The following EYS variants were observed in gnomAD, a reference collection of about 807,000 sequenced individuals.
The protein encoded by EYS is EGF-like photoreceptor maintenance factor.
EYS carries 250 observed loss-of-function variants against 282.1 expected under a neutral mutation model. That is an observed-to-expected ratio of 0.89 (90% confidence interval 0.80 to 0.98). EYS has a LOEUF of 0.98. Among genes scored for constraint, EYS ranks in the 50% least tolerant of loss-of-function variants. The pLI is 0.00. For synonymous variants in EYS, 1,355 were observed against 1,282.9 expected (o/e 1.06, Z -1.20); for missense variants, 4,016 against 3,709.0 (o/e 1.08, Z -2.15).
chr6:64,079,828 T>G (rs1771901675), intron 32 of EYS, among the ~76,000 whole-genome samples: 1 of 152,178 alleles, frequency 6.6e-6, no homozygotes, highest in Non-Finnish European at 1.5e-5. Context: ...GTTTGGTTTT[T>G]TGTCCTTGCC....
At chr6:64,579,092 T>A (rs981866777) in intron 26 of EYS, among the ~76,000 whole-genome samples, 12 of 152,076 alleles carry the variant, frequency 7.9e-5, no homozygotes, top group African/African-American at 2.7e-4. Context: ...CAGAATTAGG[T>A]ATGTTGGTCC....
chr6:64,214,004 T>A (rs2150329220), intron 31 of EYS, among the ~76,000 whole-genome samples: 1 of 152,260 alleles, frequency 6.6e-6, no homozygotes, highest in Non-Finnish European at 1.5e-5. Context: ...CACAGAAATC[T>A]TTTTGGATAG....
At chr6:63,913,800 A>C (rs934652486) in intron 35 of EYS, among the ~76,000 whole-genome samples, 1 of 152,278 alleles carries the variant, frequency 6.6e-6, no homozygotes, top group East Asian at 1.9e-4. Context: ...GTACAGACAT[A>C]CCTTGTTTTA....
At chr6:65,268,288 T>C (rs181896155) in intron 12 of EYS, among the ~76,000 whole-genome samples, 23 of 152,164 alleles carry the variant, frequency 1.5e-4, no homozygotes, top group Non-Finnish European at 2.5e-4. Context: ...ATTAAAGAGA[T>C]AAACTTTACT....
intron 15 of EYS, among the ~76,000 whole-genome samples, chr6:64,929,318 T>G (rs1768628684): frequency 6.6e-6 from 1 of 152,142 alleles, no homozygotes; most frequent in Non-Finnish European, 1.5e-5. Flanking sequence ...ACAATTACTA[T>G]GATGCCTGAT....
intron 14 of EYS, among the ~76,000 whole-genome samples, chr6:64,951,071 C>G (rs373172914): frequency 2.0e-5 from 3 of 151,228 alleles, no homozygotes; most frequent in Non-Finnish European, 4.4e-5. Flanking sequence ...AGATTAGGTC[C>G]GTGAAGAGAA....
At chr6:64,783,161 T>C (rs1048246613) in intron 22 of EYS, among the ~76,000 whole-genome samples, 14 of 152,256 alleles carry the variant, frequency 9.2e-5, no homozygotes, top group African/African-American at 3.4e-4. Context: ...GGTATCACAG[T>C]GCTTGTGTCC....
At chr6:64,235,003 G>A (rs1192296446) in intron 30 of EYS, among the ~76,000 whole-genome samples, 6 of 151,604 alleles carry the variant, frequency 4.0e-5, no homozygotes, top group African/African-American at 4.8e-5. Flanking sequence ...ACAGCCTCCC[G>A]AGTAGCTGGG....
At chr6:63,894,312 A>G (rs530762836) in intron 35 of EYS, among the ~76,000 whole-genome samples, 106 of 152,234 alleles carry the variant, frequency 7.0e-4, no homozygotes, top group Non-Finnish European at 1.2e-3. Flanking sequence ...ATCCAATATG[A>G]CTGGTATCCT....
At chr6:64,963,223 A>G (rs1769982619) in intron 14 of EYS, among the ~76,000 whole-genome samples, 1 of 152,168 alleles carries the variant, frequency 6.6e-6, no homozygotes, top group Non-Finnish European at 1.5e-5. Flanking sequence ...AACACTCAAT[A>G]CTTTTGCAAA....
At chr6:65,323,911 T>C (rs1445829714) in intron 11 of EYS, among the ~76,000 whole-genome samples, 1 of 152,004 alleles carries the variant, frequency 6.6e-6, no homozygotes, top group Non-Finnish European at 1.5e-5. Flanking sequence ...GTAGGGCTTC[T>C]AAGGTTCTAT....
At position 65,246,307 on chromosome 6, in the gene EYS, A is replaced by G. The variant is rs143412201; in HGVS notation, c.2023+49556T>C. Among the ~76,000 whole-genome samples, 586 of 152,202 alleles carry G rather than the reference A, an allele frequency of 3.9e-3. 2 individuals are homozygous for G. The highest frequency in any genetic ancestry group is 0.024 in the Middle Eastern group (7 of 294). ...GAGTATAGGTGACTTTTCTGCCTAT[A>G]TTGTGAATATGAAAATGTATAGGGA... On this transcript the variant is annotated intron_variant, in intron 12 of 42. Transcript: ENST00000503581.
At chr6:64,629,850 C>T (rs1199840880) in intron 22 of EYS, among the ~76,000 whole-genome samples, 1 of 152,032 alleles carries the variant, frequency 6.6e-6, no homozygotes, top group Non-Finnish European at 1.5e-5. Flanking sequence ...AGATAAAGAC[C>T]GTTCTGTTTC....
intron 13 of EYS, among the ~76,000 whole-genome samples, chr6:65,033,883 C>A (rs1290768677): frequency 6.6e-6 from 1 of 152,122 alleles, no homozygotes; most frequent in Non-Finnish European, 1.5e-5. Context: ...CAGCTTGCAC[C>A]CTGTGCCTGG....
At chr6:64,585,641 A>G (rs1295827826) in intron 26 of EYS, among the ~76,000 whole-genome samples, 1 of 152,090 alleles carries the variant, frequency 6.6e-6, no homozygotes. Flanking sequence ...CACCCCTTGG[A>G]TGTAGTTTTA....
chr6:64,685,816 T>C (rs1304215391), intron 22 of EYS, among the ~76,000 whole-genome samples: 1 of 152,230 alleles, frequency 6.6e-6, no homozygotes, highest in African/African-American at 2.4e-5. Context: ...TGAATCATTA[T>C]ATATTTTCAG....
At chr6:64,841,522 A>C (rs2150035140) in intron 19 of EYS, among the ~76,000 whole-genome samples, 1 of 152,262 alleles carries the variant, frequency 6.6e-6, no homozygotes, top group South Asian at 2.1e-4. Flanking sequence ...GAGATAGAAT[A>C]GTTCTTGGTC....
intron 28 of EYS, among the ~76,000 whole-genome samples, chr6:64,419,578 G>T (rs555895996): frequency 6.6e-6 from 1 of 152,300 alleles, no homozygotes; most frequent in East Asian, 1.9e-4. Flanking sequence ...ATAAAATGGC[G>T]GTAAAGGGAC....
intron 31 of EYS, among the ~76,000 whole-genome samples, chr6:64,168,202 A>C (rs955102446): frequency 6.6e-6 from 1 of 152,192 alleles, no homozygotes. Context: ...GGGAGCTTGC[A>C]GTGAGCCAAG....
Sources: gnomAD v4.1 joint callset for allele counts (sites outside exome capture counted in the v4.1 genomes callset) on GRCh38, gnomAD v4.1.1 for gene constraint, MANE v1.5 for transcripts, NCBI Gene and HGNC (gene_info 2026-07-23, HGNC 2026-07-21) for gene names.